SLC16A12: variants seen among roughly 807,000 people sequenced by gnomAD.
SLC16A12 encodes solute carrier family 16 member 12, also known as monocarboxylate transporter 12.
A neutral mutation model predicts 42.4 loss-of-function variants in SLC16A12; 17 were observed. The observed-to-expected ratio is 0.40, with a 90% CI of 0.27 to 0.60. The LOEUF is 0.60. Ranked by LOEUF, SLC16A12 falls within the 20% of genes least tolerant of loss-of-function variation. SLC16A12 has a pLI of 0.42. For synonymous variants in SLC16A12, 224 were observed against 229.4 expected, an observed-to-expected ratio of 0.98 and a Z score of 0.21; for missense variants, 544 against 623.0, an observed-to-expected ratio of 0.87 and a Z score of 1.35.
At chr10:89,545,728 A>ACT (rs1358334912) in intron 2 of SLC16A12, among the ~76,000 whole-genome samples, 2 of 152,370 alleles carry the variant, frequency 1.3e-5, no homozygotes, top group Admixed American at 6.5e-5. Flanking sequence ...TTTCATATGG[A>ACT]ATCAAAGAAA....
At chr10:89,531,567 G>A (rs1165668992) in intron 2 of SLC16A12, among the ~76,000 whole-genome samples, 2 of 152,170 alleles carry the variant, frequency 1.3e-5, no homozygotes, top group African/African-American at 2.4e-5. Flanking sequence ...ACCAGGATGT[G>A]GTTCAGAGGA....
intron 2 of SLC16A12, among the ~76,000 whole-genome samples, chr10:89,474,827 C>T (rs1180463250): frequency 1.3e-5 from 2 of 152,152 alleles, no homozygotes; most frequent in African/African-American, 2.4e-5. Flanking sequence ...GACCCTGTGA[C>T]GTAGGTATTA....
chr10:89,519,638 T>G (rs1269228648), intron 2 of SLC16A12, among the ~76,000 whole-genome samples: 1 of 151,914 alleles, frequency 6.6e-6, no homozygotes, highest in African/African-American at 2.4e-5. Context: ...CCCGAGACTT[T>G]ATGAACTAAT....
At chr10:89,433,856 CT>C (rs1184067760) in intron 7 of SLC16A12, among the ~76,000 whole-genome samples, 9 of 152,080 alleles carry the variant, frequency 5.9e-5, no homozygotes, top group East Asian at 5.8e-4. Flanking sequence ...TGCAAACTAG[CT>C]TTTTTTTCTT....
intron 3 of SLC16A12, among the ~76,000 whole-genome samples, chr10:89,458,035 G>C (rs1189094454): frequency 4.6e-5 from 7 of 152,080 alleles, no homozygotes; most frequent in Admixed American, 4.6e-4. Flanking sequence ...TGGGCGGTTT[G>C]TTTATTTATT....
chr10:89,478,936 C>G (rs1237937576), intron 2 of SLC16A12, among the ~76,000 whole-genome samples: 1 of 152,222 alleles, frequency 6.6e-6, no homozygotes, highest in Non-Finnish European at 1.5e-5. Context: ...CCTTTCACAT[C>G]TGCCCTCCCA....
intron 2 of SLC16A12, among the ~76,000 whole-genome samples, chr10:89,549,385 A>G (rs76884683): frequency 0.029 from 4,389 of 152,356 alleles, 103 homozygotes; most frequent in South Asian, 0.052. Flanking sequence ...GCAGAGACAC[A>G]TTTACACATT....
intron 3 of SLC16A12, among the ~76,000 whole-genome samples, chr10:89,454,093 A>G (rs1371306102): frequency 1.3e-5 from 2 of 151,456 alleles, no homozygotes; most frequent in African/African-American, 4.9e-5. Context: ...TGGTGTGATC[A>G]CTGCAGCCTT....
chr10:89,474,036 G>T (rs1391219543), intron 2 of SLC16A12, among the ~76,000 whole-genome samples: 1 of 151,982 alleles, frequency 6.6e-6, no homozygotes, highest in Non-Finnish European at 1.5e-5. Flanking sequence ...AAAAACTCAG[G>T]CTTTATATCT....
chr10:89,449,284 C>A (rs899951420), intron 3 of SLC16A12, among the ~76,000 whole-genome samples: 8 of 152,058 alleles, frequency 5.3e-5, no homozygotes, highest in Admixed American at 3.3e-4. Flanking sequence ...AACCAAAAAA[C>A]TGCCTGCATT....
At chr10:89,487,964 G>GTA (rs147234370) in intron 2 of SLC16A12, among the ~76,000 whole-genome samples, 5,542 of 126,300 alleles carry the variant, frequency 0.044, 161 homozygotes, top group Admixed American at 0.091. Flanking sequence ...TGGTGTGTGT[G>GTA]TATATATATA....
chr10:89,445,037 G>A (rs932817800), intron 3 of SLC16A12, among the ~76,000 whole-genome samples: 6 of 152,244 alleles, frequency 3.9e-5, no homozygotes, highest in African/African-American at 9.6e-5. Context: ...GCGGCAGCCC[G>A]GCTGCGGGAG....
intron 1 of SLC16A12, chr10:89,556,111 G>A (rs547093899): frequency 6.6e-6 from 1 of 152,232 alleles, no homozygotes; most frequent in African/African-American, 2.4e-5. Context: ...TCCCAAGATG[G>A]TCAGCATCAC....
At chr10:89,511,431 G>A (rs1370946231) in intron 2 of SLC16A12, among the ~76,000 whole-genome samples, 1 of 152,150 alleles carries the variant, frequency 6.6e-6, no homozygotes, top group Non-Finnish European at 1.5e-5. Context: ...CCTTTGCAGG[G>A]ACATGGATGA....
At chr10:89,444,277 T>C (rs1426161999) in intron 3 of SLC16A12, among the ~76,000 whole-genome samples, 1 of 152,212 alleles carries the variant, frequency 6.6e-6, no homozygotes, top group Non-Finnish European at 1.5e-5. Context: ...ATATTGATGA[T>C]AGATAGATAA....
At chr10:89,507,348 G>A (rs900141401) in intron 2 of SLC16A12, among the ~76,000 whole-genome samples, 1 of 152,184 alleles carries the variant, frequency 6.6e-6, no homozygotes, top group Admixed American at 6.5e-5. Flanking sequence ...CCCACAAAGG[G>A]AAGCCCATCA....
rs533251275 is a variant in SLC16A12 at position 89,443,768 on chromosome 10, T to C, written c.292A>G (p.Thr98Ala). ...AAGTAATACTCACCACAGAGCATGG[T>C]CACACAATCTACAATGGAATGGATC... Reference protein sequence around the residue: ...AWIHSIVDCVTMLCAPLGSVV... With the variant: ...AWIHSIVDCVAMLCAPLGSVV... Residue 98 changes from threonine (T) to alanine (A), a missense_variant, in exon 4 of 8, where the codon ACC (threonine) becomes GCC (alanine). Thr to Ala is a moderately conservative substitution (Grantham distance 58). Transcript: ENST00000371790. 6.2e-7 allele frequency: 1 copy of C among 1,612,610 alleles called. No homozygotes were observed. Among genetic ancestry groups the C allele is most frequent in the Non-Finnish European group, 8.5e-7 (1 of 1,178,582 alleles).
intron 2 of SLC16A12, among the ~76,000 whole-genome samples, chr10:89,524,930 A>T (rs1843424301): frequency 6.6e-6 from 1 of 152,226 alleles, no homozygotes; most frequent in African/African-American, 2.4e-5. Context: ...TTAAAAGCTA[A>T]ACTGAGGCCG....
rs961843962 is a variant in SLC16A12, at chr10:89,432,143, G to A, written c.*921C>T. On this transcript the variant is annotated 3_prime_UTR_variant, in exon 8 of 8. Coordinates refer to ENST00000371790, the MANE Select transcript of SLC16A12 (RefSeq NM_213606.4). ...CATTTTTCCAACCTAACAGGAATGC[G>A]TCTGCAGTCTAAGTAAGAGCTTCTT... 5.2e-5 allele frequency: 8 copies of A among 152,616 alleles called. No individual in the cohort carries two copies. The highest frequency in any genetic ancestry group is 2.1e-4 in the South Asian group (1 of 4,830). The allele number at this position is 152,616 out of a possible 1,614,324, so 9.5% of individuals were successfully genotyped here. A position where few individuals can be genotyped will look rare whatever the true frequency, so the allele number is the denominator to read the frequency against.
Sources: allele counts gnomAD v4.1 joint callset (sites outside exome capture counted in the v4.1 genomes callset), GRCh38; gene constraint gnomAD v4.1.1; transcripts MANE v1.5; gene names NCBI Gene and HGNC (gene_info 2026-07-23, HGNC 2026-07-21).